Variants in NSMCE2 observed in about 807,000 individuals in gnomAD.
NSMCE2 encodes the protein E3 SUMO-protein ligase NSE2.
Under a neutral mutation model 23.8 loss-of-function variants are expected in NSMCE2, and 24 were observed. The ratio of observed to expected loss-of-function variants is 1.01; its 90% confidence interval spans 0.73 to 1.42. The LOEUF (loss-of-function observed/expected upper bound fraction) is 1.42, where lower values mean the gene tolerates loss of function less well. NSMCE2 is among the 40% of genes most tolerant of loss of function. The pLI, the probability that NSMCE2 is intolerant of heterozygous loss-of-function variation, is 0.00. For missense variants in NSMCE2, 284 were observed against 296.5 expected (o/e 0.96, Z 0.31); for synonymous variants, 92 against 94.1 (o/e 0.98, Z 0.13).
At chr8:125,133,117 T>C (rs1325604186) in intron 3 of NSMCE2, among the ~76,000 whole-genome samples, 1 of 152,194 alleles carries the variant, frequency 6.6e-6, no homozygotes. Context: ...ATTTATTAAT[T>C]AGATTTTTAA....
intron 4 of NSMCE2, among the ~76,000 whole-genome samples, chr8:125,161,214 G>T (rs1821605330): frequency 6.6e-6 from 1 of 152,024 alleles, no homozygotes; most frequent in Non-Finnish European, 1.5e-5. Context: ...TGGTAATGGT[G>T]GCACTTTCCT....
intron 3 of NSMCE2, among the ~76,000 whole-genome samples, chr8:125,106,684 CA>C (rs1213499765): frequency 5.0e-4 from 66 of 132,036 alleles, no homozygotes; most frequent in Non-Finnish European, 4.2e-4. Context: ...GACTCCATCT[CA>C]AAAAAAAAAA....
At chr8:125,212,985 T>TA (rs1256770490) in intron 5 of NSMCE2, among the ~76,000 whole-genome samples, 1 of 152,124 alleles carries the variant, frequency 6.6e-6, no homozygotes, top group African/African-American at 2.4e-5. Flanking sequence ...TCTAATCTGT[T>TA]AAAAAAATCA....
intron 1 of NSMCE2, chr8:125,094,585 T>C (rs567039403): frequency 6.6e-6 from 1 of 152,260 alleles, no homozygotes; most frequent in African/African-American, 2.4e-5. Flanking sequence ...GTAGATACTT[T>C]CCATTTATAC....
chr8:125,097,250 T>TC (rs1817984986), intron 1 of NSMCE2, among the ~76,000 whole-genome samples: 1 of 152,150 alleles, frequency 6.6e-6, no homozygotes, highest in African/African-American at 2.4e-5. Context: ...ATCTTTAACA[T>TC]TTTGCCATAT....
intron 5 of NSMCE2, among the ~76,000 whole-genome samples, chr8:125,236,853 T>C (rs756014830): frequency 6.6e-6 from 1 of 151,958 alleles, no homozygotes; most frequent in Non-Finnish European, 1.5e-5. Context: ...TTTGCTAGAC[T>C]CTTAAAAGGA....
intron 4 of NSMCE2, among the ~76,000 whole-genome samples, chr8:125,169,469 G>A (rs904971786): frequency 6.6e-6 from 1 of 152,146 alleles, no homozygotes; most frequent in African/African-American, 2.4e-5. Flanking sequence ...TTTCTCCTGG[G>A]ATTCTGTAAC....
chr8:125,200,623 A>G (rs1823829241), intron 5 of NSMCE2, among the ~76,000 whole-genome samples: 1 of 152,136 alleles, frequency 6.6e-6, no homozygotes, highest in African/African-American at 2.4e-5. Flanking sequence ...CCTCCGTTTC[A>G]ACCTTGGTTA....
chr8:125,154,677 CAG>C (rs1821219127), intron 4 of NSMCE2, among the ~76,000 whole-genome samples: 1 of 152,136 alleles, frequency 6.6e-6, no homozygotes, highest in Admixed American at 6.5e-5. Flanking sequence ...TTTAGATCCT[CAG>C]AGAGTTCTAT....
chr8:125,299,502 G>C (rs912716481), intron 5 of NSMCE2, among the ~76,000 whole-genome samples: 2 of 152,098 alleles, frequency 1.3e-5, no homozygotes, highest in Middle Eastern at 3.2e-3. Flanking sequence ...GATCTCAAGA[G>C]AACTCACTCA....
intron 3 of NSMCE2, among the ~76,000 whole-genome samples, chr8:125,148,413 G>A (rs747732055): frequency 6.6e-6 from 1 of 152,134 alleles, no homozygotes; most frequent in Non-Finnish European, 1.5e-5. Context: ...GTAGCATTTT[G>A]AATATCTTAG....
intron 5 of NSMCE2, among the ~76,000 whole-genome samples, chr8:125,202,137 A>G (rs931290808): frequency 2.6e-5 from 4 of 152,216 alleles, no homozygotes; most frequent in African/African-American, 9.6e-5. Flanking sequence ...TCCCTTGGCT[A>G]GGAAAGGGAA....
chr8:125,284,167 A>AAAG (rs1268472994), intron 5 of NSMCE2, among the ~76,000 whole-genome samples: 1 of 151,124 alleles, frequency 6.6e-6, no homozygotes, highest in Non-Finnish European at 1.5e-5. Context: ...AAAAAAAAAA[A>AAAG]AAGAATGACT....
At chr8:125,296,162 C>G (rs1190180446) in intron 5 of NSMCE2, among the ~76,000 whole-genome samples, 2 of 152,232 alleles carry the variant, frequency 1.3e-5, no homozygotes, top group East Asian at 3.9e-4. Flanking sequence ...GCCCTATGAA[C>G]TAGGTACTGT....
intron 5 of NSMCE2, among the ~76,000 whole-genome samples, chr8:125,333,505 CTTTTTTTTTTTTTTT>C (rs71295847): frequency 2.2e-5 from 1 of 45,638 alleles, no homozygotes; most frequent in African/African-American, 9.4e-5. Context: ...CCTGGTGGTT[CTTTTTTTTTTTTTTT>C]TTTTTTTTTT....
chr8:125,206,265 A>G (rs1824114419), intron 5 of NSMCE2, among the ~76,000 whole-genome samples: 1 of 152,222 alleles, frequency 6.6e-6, no homozygotes, highest in African/African-American at 2.4e-5. Context: ...TATGGGAGAA[A>G]AGATTACAAG....
intron 5 of NSMCE2, among the ~76,000 whole-genome samples, chr8:125,226,903 T>C (rs1825120943): frequency 6.6e-6 from 1 of 152,082 alleles, no homozygotes; most frequent in South Asian, 2.1e-4. Flanking sequence ...CCAAAACTTG[T>C]TCTGGCAACC....
At chr8:125,171,200 T>C (rs1054737666) in intron 4 of NSMCE2, among the ~76,000 whole-genome samples, 3 of 152,344 alleles carry the variant, frequency 2.0e-5, no homozygotes, top group Admixed American at 6.5e-5. Flanking sequence ...ATGGCACTTA[T>C]ACCATTTAGC....
chr8:125,101,783 T>G (rs1259941651), intron 1 of NSMCE2, among the ~76,000 whole-genome samples: 1 of 152,224 alleles, frequency 6.6e-6, no homozygotes, highest in Non-Finnish European at 1.5e-5. Context: ...TCACTGACTC[T>G]GGGATCTCAC....
Sources: gnomAD v4.1 joint callset for allele counts (sites outside exome capture counted in the v4.1 genomes callset) on GRCh38, gnomAD v4.1.1 for gene constraint, MANE v1.5 for transcripts, NCBI Gene and HGNC (gene_info 2026-07-23, HGNC 2026-07-21) for gene names.